BNC2: variants seen among roughly 807,000 people sequenced by gnomAD.
BNC2 encodes the protein zinc finger protein basonuclin-2.
A neutral mutation model predicts 76.3 loss-of-function variants in BNC2; 20 were observed. That is an observed-to-expected ratio of 0.26 (90% CI 0.18 to 0.38). The LOEUF (loss-of-function observed/expected upper bound fraction) is 0.38. Ranked by LOEUF, BNC2 falls within the 10% of genes least tolerant of loss-of-function variation. The pLI, the probability that BNC2 is intolerant of heterozygous loss-of-function variation, is 1.00. For synonymous variants in BNC2, 582 were observed against 514.8 expected (o/e 1.13, Z -1.77); for missense variants, 1,382 against 1,399.8 (o/e 0.99, Z 0.20).
intron 5 of BNC2, among the ~76,000 whole-genome samples, chr9:16,471,574 G>C (rs1383671229): frequency 6.6e-6 from 1 of 152,200 alleles, no homozygotes. Flanking sequence ...TTACAGGCGT[G>C]AGCCACTGCA....
intron 5 of BNC2, among the ~76,000 whole-genome samples, chr9:16,453,548 T>C (rs1022499908): frequency 2.6e-5 from 4 of 152,222 alleles, no homozygotes; most frequent in African/African-American, 9.6e-5. Flanking sequence ...TAGGTGCTCA[T>C]TGTTTCCATT....
chr9:16,576,092 T>C (rs1276004036), intron 4 of BNC2, among the ~76,000 whole-genome samples: 1 of 152,184 alleles, frequency 6.6e-6, no homozygotes. Flanking sequence ...AAGCATGTAC[T>C]TCCCTTCCCC....
At chr9:16,446,473 T>C (rs1821233980) in intron 5 of BNC2, among the ~76,000 whole-genome samples, 1 of 152,022 alleles carries the variant, frequency 6.6e-6, no homozygotes, top group South Asian at 2.1e-4. Context: ...TTTTTTCTGA[T>C]CCATATTTGA....
chr9:16,543,364 T>C (rs1818382508), intron 5 of BNC2, among the ~76,000 whole-genome samples: 1 of 152,190 alleles, frequency 6.6e-6, no homozygotes, highest in Non-Finnish European at 1.5e-5. Flanking sequence ...CCACTTTAAA[T>C]TCAACAAGAA....
At chr9:16,619,227 T>C (rs1286044779) in intron 3 of BNC2, among the ~76,000 whole-genome samples, 2 of 151,882 alleles carry the variant, frequency 1.3e-5, no homozygotes, top group Non-Finnish European at 2.9e-5. Flanking sequence ...AAAATAAATA[T>C]GTACACCATC....
At chr9:16,634,210 T>C (rs1358444752) in intron 3 of BNC2, among the ~76,000 whole-genome samples, 1 of 152,226 alleles carries the variant, frequency 6.6e-6, no homozygotes, top group Non-Finnish European at 1.5e-5. Context: ...AGAAACAGCA[T>C]CTTTCTCTTT....
At chr9:16,780,852 T>A (rs1018890582) in intron 1 of BNC2, among the ~76,000 whole-genome samples, 3 of 152,092 alleles carry the variant, frequency 2.0e-5, no homozygotes, top group African/African-American at 7.2e-5. Flanking sequence ...AGAAAAAAAA[T>A]GTTTACTTTA....
At chr9:16,607,909 A>G (rs28733737) in intron 3 of BNC2, among the ~76,000 whole-genome samples, 4 of 152,078 alleles carry the variant, frequency 2.6e-5, no homozygotes, top group African/African-American at 9.7e-5. Context: ...CAGTTTTTAA[A>G]GAGTAAGACA....
At chr9:16,848,534 T>A (rs1586933163) in intron 1 of BNC2, among the ~76,000 whole-genome samples, 3 of 152,082 alleles carry the variant, frequency 2.0e-5, no homozygotes, top group African/African-American at 7.2e-5. Context: ...GCACAAACAG[T>A]CCCTCCAAAG....
chr9:16,645,513 C>T (rs1371926327), intron 3 of BNC2, among the ~76,000 whole-genome samples: 1 of 152,126 alleles, frequency 6.6e-6, no homozygotes, highest in Non-Finnish European at 1.5e-5. Context: ...ACCACACTGT[C>T]TATTTTATAC....
intron 5 of BNC2, among the ~76,000 whole-genome samples, chr9:16,515,326 T>C (rs941311129): frequency 2.0e-5 from 3 of 152,176 alleles, no homozygotes; most frequent in African/African-American, 7.2e-5. Context: ...TCAATGACTG[T>C]GTTTGCTGGG....
intron 3 of BNC2, among the ~76,000 whole-genome samples, chr9:16,619,361 AC>A (rs1820800927): frequency 6.6e-6 from 1 of 152,056 alleles, no homozygotes; most frequent in Non-Finnish European, 1.5e-5. Context: ...ACCAAAAAGC[AC>A]CCTTCTGGCA....
At chr9:16,786,021 C>T (rs188840181) in intron 1 of BNC2, among the ~76,000 whole-genome samples, 8 of 152,086 alleles carry the variant, frequency 5.3e-5, no homozygotes, top group Admixed American at 5.2e-4. Context: ...CCACAGACAC[C>T]TTCCCTTGTG....
chr9:16,867,614 T>G (rs1563978233), intron 1 of BNC2: 1 of 152,026 alleles, frequency 6.6e-6, no homozygotes. Context: ...ACCACTAACT[T>G]CAAGTCATCA....
At chr9:16,655,691 T>C (rs1377236597) in intron 3 of BNC2, among the ~76,000 whole-genome samples, 1 of 152,246 alleles carries the variant, frequency 6.6e-6, no homozygotes, top group Non-Finnish European at 1.5e-5. Context: ...GTGCCTATTA[T>C]AGAATATTTT....
intron 4 of BNC2, among the ~76,000 whole-genome samples, chr9:16,579,277 ATT>A (rs112869908): frequency 0.084 from 11,739 of 139,592 alleles, 539 homozygotes; most frequent in African/African-American, 0.17. Context: ...TCACTCTTTA[ATT>A]TATTATTTTT....
At chr9:16,814,040 T>C (rs918911574) in intron 1 of BNC2, among the ~76,000 whole-genome samples, 2 of 152,164 alleles carry the variant, frequency 1.3e-5, no homozygotes, top group Non-Finnish European at 2.9e-5. Flanking sequence ...ATGCAATATA[T>C]GCTAGAAGCA....
At chr9:16,734,164 C>T (rs914182521) in intron 2 of BNC2, among the ~76,000 whole-genome samples, 2 of 152,182 alleles carry the variant, frequency 1.3e-5, no homozygotes, top group African/African-American at 4.8e-5. Flanking sequence ...CTAAATGTAG[C>T]AGCCTTTAAT....
At chr9:16,575,858 A>G (rs1305006069) in intron 4 of BNC2, among the ~76,000 whole-genome samples, 1 of 152,224 alleles carries the variant, frequency 6.6e-6, no homozygotes, top group Non-Finnish European at 1.5e-5. Context: ...TCCCTGAGCA[A>G]AAGAGAATTT....
Sources: allele counts gnomAD v4.1 joint callset (sites outside exome capture counted in the v4.1 genomes callset), GRCh38; gene constraint gnomAD v4.1.1; transcripts MANE v1.5; gene names NCBI Gene and HGNC (gene_info 2026-07-23, HGNC 2026-07-21).